Variants in LRRK1 observed in about 807,000 individuals in gnomAD.
LRRK1 encodes leucine-rich repeat serine/threonine-protein kinase 1.
In LRRK1, 113 loss-of-function variants were observed where a neutral mutation model predicts 209.1. That is an observed-to-expected ratio of 0.54 (90% CI 0.46 to 0.63). LRRK1 has a LOEUF of 0.63. Ranked by LOEUF, LRRK1 falls within the 30% of genes least tolerant of loss-of-function variation. LRRK1 has a pLI of 0.00. For missense variants in LRRK1, 2,284 were observed against 2,632.2 expected, an observed-to-expected ratio of 0.87 and a Z score of 2.89; for synonymous variants, 1,144 against 1,099.7, an observed-to-expected ratio of 1.04 and a Z score of -0.80.
intron 2 of LRRK1, among the ~76,000 whole-genome samples, chr15:100,941,464 CTGTGTGTGTGTGTGTGTGTG>C (rs763355554): frequency 1.1e-5 from 1 of 88,740 alleles, no homozygotes; most frequent in African/African-American, 5.1e-5. Flanking sequence ...GTCTATGTCT[CTGTGTGTGTGTGTGTGTGTG>C]TGTGTGTGTG....
intron 2 of LRRK1, among the ~76,000 whole-genome samples, chr15:100,954,031 T>C (rs1051023856): frequency 6.6e-6 from 1 of 152,136 alleles, no homozygotes; most frequent in South Asian, 2.1e-4. Flanking sequence ...TTCTTCTGCC[T>C]CAGCCTCACC....
chr15:100,928,019 A>G (rs1013997707), intron 2 of LRRK1, among the ~76,000 whole-genome samples: 1 of 152,254 alleles, frequency 6.6e-6, no homozygotes, highest in African/African-American at 2.4e-5. Flanking sequence ...GCGTGTGGCC[A>G]CGTCTGTGTG....
chr15:100,985,203 A>G (rs1471148224), intron 4 of LRRK1, among the ~76,000 whole-genome samples: 4 of 152,116 alleles, frequency 2.6e-5, no homozygotes, highest in Admixed American at 2.6e-4. Flanking sequence ...CATGAGAAGC[A>G]TACTAAGACA....
intron 3 of LRRK1, among the ~76,000 whole-genome samples, chr15:100,977,134 C>T (rs1360410837): frequency 6.6e-6 from 1 of 150,582 alleles, no homozygotes. Flanking sequence ...TCTCATACAT[C>T]CCAAACCAGA....
chr15:101,058,308 G>C (rs972511405), intron 29 of LRRK1, among the ~76,000 whole-genome samples, 167 bp downstream of exon 29: 1 of 152,170 alleles, frequency 6.6e-6, no homozygotes, highest in Non-Finnish European at 1.5e-5. Context: ...GCAGAAGAAA[G>C]TCCACACAAA....
Position 101,022,510 on chromosome 15 carries a change from G to A in LRRK1, c.1980G>A (p.Thr660=), listed in dbSNP as rs1463137802. The A allele has an allele frequency of 1.1e-5, 18 of 1,614,046 alleles. No individual in the cohort carries two copies. Among genetic ancestry groups the A allele is most frequent in the Admixed American group, 1.0e-4 (6 of 60,006 alleles). ...GKSTLLEILQ[T]GRAPQVVHGE... Reference sequence around the variant, plus strand: ...CCACCCTCCTGGAGATCTTACAGACGGGGAGGGCCCCCCAGGTGGTGCATG... The same window carrying A: ...CCACCCTCCTGGAGATCTTACAGACAGGGAGGGCCCCCCAGGTGGTGCATG... The change falls in exon 15 of 34, where the codon ACG becomes ACA. Residue 660 remains threonine, a synonymous_variant. Coordinates refer to ENST00000388948, the MANE Select transcript of LRRK1 (RefSeq NM_024652.6). The surrounding 1 kb of genome is among the most constrained non-coding windows in gnomAD (Gnocchi z 4.0).
intron 31 of LRRK1, among the ~76,000 whole-genome samples, chr15:101,063,441 G>A (rs923156384): frequency 2.0e-5 from 3 of 152,202 alleles, no homozygotes; most frequent in Non-Finnish European, 4.4e-5. Context: ...TCAAGACCCG[G>A]GGCCTTGTCC....
At chr15:101,059,680 G>T (rs776592244) in intron 29 of LRRK1, among the ~76,000 whole-genome samples, 2 of 152,120 alleles carry the variant, frequency 1.3e-5, no homozygotes, top group East Asian at 3.9e-4. Context: ...GGATAGACTC[G>T]TGACATAGTT....
intron 2 of LRRK1, among the ~76,000 whole-genome samples, chr15:100,937,784 C>G (rs559583888): frequency 1.9e-3 from 286 of 152,232 alleles, no homozygotes; most frequent in African/African-American, 6.6e-3. Context: ...ATCCGCCCGT[C>G]TCGGCCTCCC....
chr15:101,006,906 G>A (rs2032984906), intron 6 of LRRK1, among the ~76,000 whole-genome samples: 2 of 152,186 alleles, frequency 1.3e-5, no homozygotes, highest in Non-Finnish European at 2.9e-5. Flanking sequence ...CAATCAAACA[G>A]GCCCAGGGCA....
At chr15:101,009,114 T>C in intron 7 of LRRK1, 51 bp downstream of exon 7, 1 of 1,380,926 alleles carries the variant, frequency 7.2e-7, no homozygotes, top group Admixed American at 1.7e-5. Context: ...CTGTCACCGT[T>C]GTGCTCCTGC....
In LRRK1 at chr15:100,983,566, G is replaced by A. The variant is rs2031716122; in HGVS notation, c.300G>A (p.Leu100=). The change falls in exon 4 of 34, where the codon CTG becomes CTA. Residue 100 remains leucine, a synonymous_variant. Coordinates refer to ENST00000388948, the MANE Select transcript of LRRK1 (RefSeq NM_024652.6). ...LLSIPAAYGD[L]EMVRYLLSKR... ...GCATCCCGGCAGCCTATGGGGATCT[G>A]GAGATGGTCCGCTACCTACTCAGCA... 6.2e-7 allele frequency: 1 copy of A among 1,609,902 alleles called. No individual in the cohort carries two copies. Among genetic ancestry groups the A allele is most frequent in the African/African-American group, 1.3e-5 (1 of 74,926 alleles).
chr15:101,009,916 C>T (rs2033153228), intron 7 of LRRK1, among the ~76,000 whole-genome samples: 3 of 152,220 alleles, frequency 2.0e-5, no homozygotes, highest in African/African-American at 7.2e-5. Flanking sequence ...ACTGCAAGTC[C>T]TCATTCCATA....
At chr15:100,999,752 C>G (rs1204450830) in intron 6 of LRRK1, among the ~76,000 whole-genome samples, 2 of 152,186 alleles carry the variant, frequency 1.3e-5, no homozygotes, top group Non-Finnish European at 2.9e-5. Flanking sequence ...TGTTTTTTCT[C>G]TGATCGTGTC....
chr15:100,961,437 G>A (rs570875053), intron 2 of LRRK1, among the ~76,000 whole-genome samples: 22 of 152,100 alleles, frequency 1.4e-4, no homozygotes, highest in Non-Finnish European at 2.2e-4. Context: ...GGCAGATCAC[G>A]AGGTCAAGCG....
At chr15:100,975,395 G>A (rs1052576516) in intron 3 of LRRK1, among the ~76,000 whole-genome samples, 2 of 152,240 alleles carry the variant, frequency 1.3e-5, no homozygotes, top group African/African-American at 4.8e-5. Flanking sequence ...GGGTGGAAAA[G>A]CTGTTAAAGG....
chr15:100,953,888 C>G (rs757660235), intron 2 of LRRK1, among the ~76,000 whole-genome samples: 4 of 151,810 alleles, frequency 2.6e-5, no homozygotes, highest in Non-Finnish European at 4.4e-5. Context: ...GGTAATAACA[C>G]ATAGGTTTTT....
intron 29 of LRRK1, among the ~76,000 whole-genome samples, chr15:101,059,439 C>T (rs914936924): frequency 1.5e-4 from 22 of 148,252 alleles, no homozygotes; most frequent in Admixed American, 4.7e-4. Flanking sequence ...CGATGGAGCA[C>T]GCCTTCCTGA....
intron 3 of LRRK1, among the ~76,000 whole-genome samples, chr15:100,977,261 C>A (rs575177591): frequency 1.3e-5 from 2 of 152,056 alleles, no homozygotes; most frequent in East Asian, 3.9e-4. Context: ...CAAAGCCAGG[C>A]AGGAAACTTA....
Sources: allele counts gnomAD v4.1 joint callset (sites outside exome capture counted in the v4.1 genomes callset), GRCh38; gene constraint gnomAD v4.1.1; non-coding constraint Gnocchi (gnomAD v3.1); transcripts MANE v1.5; gene names NCBI Gene and HGNC (gene_info 2026-07-23, HGNC 2026-07-21).